Variants in ATP8A2 observed in about 807,000 individuals in gnomAD.
ATP8A2 encodes phospholipid-transporting ATPase IB.
In ATP8A2, 100 loss-of-function variants were observed where a neutral mutation model predicts 165.6. That is an observed-to-expected ratio of 0.60 (90% CI 0.51 to 0.71). The LOEUF is 0.71. Ranked by LOEUF, ATP8A2 falls within the 30% of genes least tolerant of loss-of-function variation. ATP8A2 has a pLI of 0.00. For missense variants in ATP8A2, 1,227 were observed against 1,479.5 expected (o/e 0.83, Z 2.80); for synonymous variants, 543 against 548.8 (o/e 0.99, Z 0.15).
rs1457308350 is a variant in ATP8A2, at chr13:25,928,185, A to C, written c.3184-33390A>C. 3.9e-5 allele frequency among the ~76,000 whole-genome samples: 6 copies of C among 152,326 alleles called. No individual in the cohort carries two copies. The East Asian group carries it at 1.2e-3, about 29-fold the overall frequency. ...CCCTTGACACTCTGGGGCTTTCCAG[A>C]GCAGATGGCCAGGGGGCCTGTGTTA... On this transcript the variant is annotated intron_variant, in intron 33 of 36. Transcript: ENST00000381655.
chr13:25,627,450 G>A (rs1361215258), intron 24 of ATP8A2, among the ~76,000 whole-genome samples: 1 of 152,094 alleles, frequency 6.6e-6, no homozygotes, highest in Non-Finnish European at 1.5e-5. Context: ...GAGTAAGGAA[G>A]CAATTATGGT....
chr13:25,551,512 CG>C lies in ATP8A2; in HGVS notation c.1057+13del. The C allele has an allele frequency of 6.3e-7, 1 of 1,591,486 alleles. No individual in the cohort carries two copies. The highest frequency in any genetic ancestry group is 8.6e-7 in the Non-Finnish European group (1 of 1,164,306). On this transcript the variant is annotated intron_variant, in intron 11 of 36. Coordinates refer to ENST00000381655, the MANE Select transcript of ATP8A2 (RefSeq NM_016529.6). ...GTACATCAAGAAGATGGGTAAGTGT[CG>C]GGGTGGGTTGCTTGTTCCAGTGGAA...
At chr13:25,507,802 G>A (rs1398029127) in intron 2 of ATP8A2, among the ~76,000 whole-genome samples, 2 of 152,148 alleles carry the variant, frequency 1.3e-5, no homozygotes, top group Admixed American at 1.3e-4. Context: ...GTACCTCTTT[G>A]TATGTCAAAG....
intron 33 of ATP8A2, among the ~76,000 whole-genome samples, chr13:25,874,599 G>A (rs1355822730): frequency 1.3e-5 from 2 of 152,126 alleles, no homozygotes; most frequent in Non-Finnish European, 2.9e-5. Context: ...AGATCGAAAC[G>A]CTTGTGACCT....
intron 27 of ATP8A2, among the ~76,000 whole-genome samples, chr13:25,793,807 G>T (rs1435531859): frequency 6.6e-6 from 1 of 152,048 alleles, no homozygotes. Context: ...TGAAATTCAG[G>T]ATTTTTCTGA....
intron 27 of ATP8A2, among the ~76,000 whole-genome samples, chr13:25,809,994 G>A (rs1001206782): frequency 6.6e-6 from 1 of 152,136 alleles, no homozygotes; most frequent in Non-Finnish European, 1.5e-5. Flanking sequence ...TGGGGAGCTG[G>A]CTTCTGGCAG....
chr13:25,753,880 A>G (rs989924428), intron 25 of ATP8A2, among the ~76,000 whole-genome samples: 2 of 152,196 alleles, frequency 1.3e-5, no homozygotes, highest in Admixed American at 1.3e-4. Context: ...GAAAATGGCT[A>G]TTTCCTAATT....
chr13:25,420,989 C>A (rs1924785), intron 1 of ATP8A2, among the ~76,000 whole-genome samples: 66,644 of 151,966 alleles, frequency 0.44, 15,506 homozygotes, highest in East Asian at 0.59. Flanking sequence ...TTCAACCATG[C>A]CTTCCCTTTA....
intron 30 of ATP8A2, among the ~76,000 whole-genome samples, chr13:25,854,015 AC>A: frequency 6.6e-6 from 1 of 152,200 alleles, no homozygotes; most frequent in Admixed American, 6.5e-5. Flanking sequence ...CAGAGCTGGA[AC>A]AGAGAGCAGG....
At chr13:25,399,731 T>C (rs1287630188) in intron 1 of ATP8A2, among the ~76,000 whole-genome samples, 2 of 148,154 alleles carry the variant, frequency 1.3e-5, no homozygotes, top group African/African-American at 4.9e-5. Flanking sequence ...CTCCTTCCTC[T>C]TCCTCCTTCT....
intron 1 of ATP8A2, among the ~76,000 whole-genome samples, chr13:25,383,127 C>G (rs1319662048): frequency 2.7e-5 from 4 of 148,854 alleles, no homozygotes; most frequent in East Asian, 4.1e-4. Flanking sequence ...CTCACTACAA[C>G]CTCCTCCTCC....
chr13:25,549,906 T>G (rs1473149155), intron 10 of ATP8A2, among the ~76,000 whole-genome samples: 1 of 152,098 alleles, frequency 6.6e-6, no homozygotes, highest in Non-Finnish European at 1.5e-5. Context: ...TGATGACCCT[T>G]GTGGTTAGAT....
intron 24 of ATP8A2, among the ~76,000 whole-genome samples, chr13:25,634,940 C>CT (rs35455381): frequency 0.035 from 5,250 of 152,038 alleles, 156 homozygotes; most frequent in East Asian, 0.13. Context: ...TTAGCAAGCA[C>CT]TTTTTTTTGG....
chr13:25,654,331 G>T (rs918421947), intron 24 of ATP8A2, among the ~76,000 whole-genome samples: 3 of 152,036 alleles, frequency 2.0e-5, no homozygotes, highest in Non-Finnish European at 2.9e-5. Flanking sequence ...TCAGCCTCCC[G>T]AGTGGCTGGG....
intron 28 of ATP8A2, among the ~76,000 whole-genome samples, chr13:25,833,048 C>T (rs1020772232): frequency 6.6e-5 from 10 of 150,722 alleles, no homozygotes; most frequent in African/African-American, 2.2e-4. Flanking sequence ...AATCAATAGC[C>T]TTTTTCTAGC....
chr13:25,798,329 G>A (rs142423764), intron 27 of ATP8A2, among the ~76,000 whole-genome samples: 2,187 of 152,300 alleles, frequency 0.014, 25 homozygotes, highest in Middle Eastern at 0.048. Flanking sequence ...TGTGAAAAGT[G>A]TCATCTCGTT....
At position 26,002,848 on chromosome 13, in the gene ATP8A2, CTGTGTGTGTGTGTGTGTGTGTG is replaced by C. The variant is rs199795279; in HGVS notation, c.3378-9657_3378-9636del. ...CTTTTTAAGGCTGAATAGTATTCCACTGTGTGTGTGTGTGTGTGTGTGTGTGTGTGTGTGTGTGTGTGTGTGT... is the reference window on the plus strand; with the variant it reads ...CTTTTTAAGGCTGAATAGTATTCCACTGTGTGTGTGTGTGTGTGTGTGTGT... On this transcript the variant is annotated intron_variant, in intron 35 of 36. Transcript: ENST00000381655. Among the ~76,000 whole-genome samples the C allele has an allele frequency of 5.9e-5, 8 of 134,806 alleles. No individual in the cohort carries two copies. In the East Asian group the frequency reaches 1.1e-3, roughly 19 times the overall value. The allele number at this position is 134,806 out of a possible 152,430, so 88.4% of individuals were successfully genotyped here. A position where few individuals can be genotyped will look rare whatever the true frequency, so the allele number is the denominator to read the frequency against.
chr13:25,790,121 C>T (rs2045129570), intron 27 of ATP8A2, among the ~76,000 whole-genome samples: 1 of 152,012 alleles, frequency 6.6e-6, no homozygotes, highest in Admixed American at 6.6e-5. Context: ...CTATAAAAAC[C>T]CTGAAAGATA....
chr13:25,931,731 G>A (rs1436444631), intron 33 of ATP8A2, among the ~76,000 whole-genome samples: 1 of 152,146 alleles, frequency 6.6e-6, no homozygotes, highest in Non-Finnish European at 1.5e-5. Flanking sequence ...CTTCATCAGA[G>A]TGTGAAGTGG....
Sources: gnomAD v4.1 joint callset for allele counts (sites outside exome capture counted in the v4.1 genomes callset) on GRCh38, gnomAD v4.1.1 for gene constraint, MANE v1.5 for transcripts, NCBI Gene and HGNC (gene_info 2026-07-23, HGNC 2026-07-21) for gene names.